ANO2: variants seen among roughly 807,000 people sequenced by gnomAD.
ANO2 encodes the protein anoctamin 2, also known as anoctamin-2.
Under a neutral mutation model 124.2 loss-of-function variants are expected in ANO2, and 101 were observed. That is an observed-to-expected ratio of 0.81 (90% confidence interval 0.69 to 0.96). The LOEUF is 0.96. ANO2 is among the 40% of genes least tolerant of loss of function. The pLI is 0.00. For synonymous variants in ANO2, 486 were observed against 482.5 expected (o/e 1.01, Z -0.09); for missense variants, 1,293 against 1,274.5 (o/e 1.01, Z -0.22).
intron 14 of ANO2, among the ~76,000 whole-genome samples, chr12:5,708,639 TA>T (rs1282692152): frequency 6.6e-6 from 1 of 152,222 alleles, no homozygotes; most frequent in Non-Finnish European, 1.5e-5. Context: ...AGCCATTGTT[TA>T]ATCAATTTCC....
intron 20 of ANO2, among the ~76,000 whole-genome samples, chr12:5,590,090 G>A (rs927020458): frequency 1.3e-5 from 2 of 152,106 alleles, no homozygotes; most frequent in Admixed American, 1.3e-4. Context: ...GGCAGACACA[G>A]CAGATTCCTA....
rs183690259 is a variant in ANO2, at chr12:5,652,381, C to T, written c.1546-4580G>A. Among the ~76,000 whole-genome samples, 9 of 152,042 alleles carry T rather than the reference C, an allele frequency of 5.9e-5. No homozygotes were observed. In the East Asian group the frequency reaches 9.7e-4, roughly 16 times the overall value. On this transcript the variant is annotated intron_variant, in intron 14 of 24. Transcript: ENST00000682330. Reference sequence around the variant, plus strand: ...AGTACATTTTTCACAACCAATGAACCGATATTGTACAGTATTATTAAAGTT... The same window carrying T: ...AGTACATTTTTCACAACCAATGAACTGATATTGTACAGTATTATTAAAGTT...
At chr12:5,783,114 C>T (rs1952449680) in intron 10 of ANO2, among the ~76,000 whole-genome samples, 1 of 152,220 alleles carries the variant, frequency 6.6e-6, no homozygotes, top group Non-Finnish European at 1.5e-5. Flanking sequence ...ACTGAGAGCT[C>T]ATGCTCAGGG....
chr12:5,911,731 T>G (rs1406328462), intron 3 of ANO2, among the ~76,000 whole-genome samples: 1 of 152,234 alleles, frequency 6.6e-6, no homozygotes, highest in African/African-American at 2.4e-5. Context: ...TTTGTCTGCA[T>G]AGACTCTATA....
chr12:5,843,331 C>T (rs989553003), intron 4 of ANO2, among the ~76,000 whole-genome samples: 1 of 152,154 alleles, frequency 6.6e-6, no homozygotes, highest in African/African-American at 2.4e-5. Context: ...GGGCGGATCA[C>T]TTGCGGTCAG....
Position 5,635,020 on chromosome 12 carries a change from A to G in ANO2, c.1816+132T>C. 1 of 788,596 alleles carries G rather than the reference A, an allele frequency of 1.3e-6. No homozygotes were observed. Among genetic ancestry groups the G allele is most frequent in the Non-Finnish European group, 1.9e-6 (1 of 537,844 alleles). The allele number at this position is 788,596 out of a possible 1,614,324, so 48.8% of individuals were successfully genotyped here. On this transcript the variant is annotated intron_variant, in intron 16 of 24. Coordinates refer to ENST00000682330, the MANE Select transcript of ANO2 (RefSeq NM_001364791.2). The surrounding 1 kb of genome is among the most constrained non-coding windows in gnomAD (Gnocchi z 5.2). ...AAATACACACACGTTGCACTTCCCCATTTCTCTAATTAAAATGCACTGTAC... is the reference window on the plus strand; with the variant it reads ...AAATACACACACGTTGCACTTCCCCGTTTCTCTAATTAAAATGCACTGTAC...
intron 12 of ANO2, among the ~76,000 whole-genome samples, 160 bp downstream of exon 12, chr12:5,743,997 A>G (rs1186684375): frequency 6.6e-6 from 1 of 152,238 alleles, no homozygotes; most frequent in African/African-American, 2.4e-5. Context: ...ATTCACACAT[A>G]TGAGTAAAGA....
At chr12:5,868,397 T>C (rs1174875617) in intron 3 of ANO2, among the ~76,000 whole-genome samples, 1 of 152,120 alleles carries the variant, frequency 6.6e-6, no homozygotes, top group African/African-American at 2.4e-5. Context: ...ATGATCTCTC[T>C]GAGTCTCAGC....
chr12:5,677,458 T>C (rs1565556033), intron 14 of ANO2, among the ~76,000 whole-genome samples: 1 of 152,216 alleles, frequency 6.6e-6, no homozygotes, highest in Non-Finnish European at 1.5e-5. Context: ...TCTATCCCTA[T>C]TCTTCTCCCA....
intron 14 of ANO2, among the ~76,000 whole-genome samples, chr12:5,656,770 T>C (rs4309236): frequency 0.59 from 89,631 of 151,676 alleles, 27,908 homozygotes; most frequent in East Asian, 0.96. Context: ...ACAATCTTGG[T>C]AGCATTTAAC....
intron 19 of ANO2, among the ~76,000 whole-genome samples, chr12:5,609,529 T>C (rs1944380436): frequency 6.6e-6 from 1 of 152,186 alleles, no homozygotes; most frequent in Non-Finnish European, 1.5e-5. Context: ...GTCTCCATTA[T>C]AACTTTAGCT....
At chr12:5,808,442 G>A (rs1953274292) in intron 7 of ANO2, among the ~76,000 whole-genome samples, 1 of 152,092 alleles carries the variant, frequency 6.6e-6, no homozygotes, top group Non-Finnish European at 1.5e-5. Context: ...CTAGGTCGCT[G>A]GCTTCCAGAT....
intron 3 of ANO2, among the ~76,000 whole-genome samples, chr12:5,896,738 C>T (rs964433348): frequency 6.6e-6 from 1 of 152,168 alleles, no homozygotes; most frequent in African/African-American, 2.4e-5. Flanking sequence ...TTTTTGGCAA[C>T]TGAATCTCAA....
intron 7 of ANO2, among the ~76,000 whole-genome samples, chr12:5,825,347 C>T (rs1260084916): frequency 2.0e-5 from 3 of 152,194 alleles, no homozygotes; most frequent in Non-Finnish European, 2.9e-5. Flanking sequence ...GCCATGTATG[C>T]TCTGAATCAC....
In ANO2 at chr12:5,565,630, C is replaced by T. The variant is rs529722948; in HGVS notation, c.2655G>A (p.Pro885=). 155 of 1,604,548 alleles carry T rather than the reference C, an allele frequency of 9.7e-5. No homozygotes were observed. In the South Asian group the frequency reaches 1.2e-3, roughly 13 times the overall value. The change falls in exon 24 of 25, where the codon CCG becomes CCA. Residue 885 remains proline, a synonymous_variant. Transcript: ENST00000682330. ...ACTGTTTCGAAAACTCATAAGGGTT[C>T]GGGGCCCATGGCGGCTCTCGGTAAT... ...FKDYREPPWA[P]NPYEFSKQYW...
Position 5,854,057 on chromosome 12 carries a change from C to G in ANO2, c.619G>C (p.Val207Leu). Residue 207 changes from valine to leucine, a missense_variant, in exon 4 of 25, where the codon GTT (valine) becomes CTT (leucine). By Grantham distance (32) the Val-to-Leu change is conservative (BLOSUM62 1). Coordinates refer to ENST00000682330, the MANE Select transcript of ANO2 (RefSeq NM_001364791.2). ...AREAEFLKIK[V>L]PTKKMYEIKA... is the part of the protein sequence containing the mutation. ...CATGCTCATACTTTCTTGGTAGGAA[C>G]TTTGATCTTCAAGAATTCTGCCTCT... The G allele has an allele frequency of 6.2e-7, 1 of 1,613,466 alleles. No homozygotes were observed. The highest frequency in any genetic ancestry group is 2.2e-5 in the East Asian group (1 of 44,858).
At chr12:5,810,528 T>C (rs1953353267) in intron 7 of ANO2, among the ~76,000 whole-genome samples, 1 of 152,240 alleles carries the variant, frequency 6.6e-6, no homozygotes, top group Non-Finnish European at 1.5e-5. Context: ...TGCATCTATA[T>C]TCTTTCCTCT....
At chr12:5,727,634 C>CT (rs1565614619) in intron 14 of ANO2, among the ~76,000 whole-genome samples, 14 of 133,732 alleles carry the variant, frequency 1.0e-4, no homozygotes, top group South Asian at 4.8e-4. Flanking sequence ...CTCACCACTT[C>CT]CTTTTTTTTT....
Position 5,751,823 on chromosome 12 carries a change from C to T in ANO2, c.1056-853G>A, listed in dbSNP as rs1196763036. 5.9e-5 allele frequency among the ~76,000 whole-genome samples: 9 copies of T among 152,078 alleles called. No homozygotes were observed. The South Asian group carries it at 1.0e-3, about 18-fold the overall frequency. On this transcript the variant is annotated intron_variant, in intron 10 of 24. Coordinates refer to ENST00000682330, the MANE Select transcript of ANO2 (RefSeq NM_001364791.2). ...GGCTCTATATTATACAGTAGATCTC[C>T]GGGCATATATGTATTGTGTAACTGA... is the stretch of plus-strand genomic sequence containing the variant.
Sources: gnomAD v4.1 joint callset for allele counts (sites outside exome capture counted in the v4.1 genomes callset) on GRCh38, gnomAD v4.1.1 for gene constraint, Gnocchi (gnomAD v3.1) non-coding constraint, MANE v1.5 for transcripts, NCBI Gene and HGNC (gene_info 2026-07-23, HGNC 2026-07-21) for gene names.